The following XPR1 variants were observed in gnomAD, a reference collection of about 807,000 sequenced individuals.
XPR1 encodes xenotropic and polytropic retrovirus receptor 1.
XPR1 carries 28 observed loss-of-function variants against 87.5 expected under a neutral mutation model. That is an observed-to-expected ratio of 0.32 (90% CI 0.24 to 0.44). The LOEUF (loss-of-function observed/expected upper bound fraction) is 0.44. XPR1 is among the 20% of genes least tolerant of loss of function. The pLI is 1.00. For missense variants in XPR1, 559 were observed against 862.3 expected, an observed-to-expected ratio of 0.65 and a Z score of 4.41; for synonymous variants, 300 against 306.1, an observed-to-expected ratio of 0.98 and a Z score of 0.21.
intron 2 of XPR1, among the ~76,000 whole-genome samples, chr1:180,722,678 G>A (rs1658214710): frequency 6.6e-6 from 1 of 152,128 alleles, no homozygotes; most frequent in Admixed American, 6.5e-5. Context: ...AAAACTAAAT[G>A]ATCATCAAAA....
intron 2 of XPR1, among the ~76,000 whole-genome samples, chr1:180,769,342 A>G (rs1403442748): frequency 6.6e-6 from 1 of 151,722 alleles, no homozygotes; most frequent in African/African-American, 2.4e-5. Flanking sequence ...ATCAAATAGT[A>G]GGTCTTATTC....
chr1:180,825,998 C>T (rs897716263), intron 9 of XPR1, among the ~76,000 whole-genome samples: 3 of 151,942 alleles, frequency 2.0e-5, no homozygotes, highest in African/African-American at 4.8e-5. Context: ...TGCAGTGAGC[C>T]GCGATTGTGC....
At chr1:180,715,922 C>T (rs569400597) in intron 2 of XPR1, among the ~76,000 whole-genome samples, 1 of 152,304 alleles carries the variant, frequency 6.6e-6, no homozygotes, top group East Asian at 1.9e-4. Flanking sequence ...ATCAGCCCAC[C>T]TCAGCCTCCC....
intron 2 of XPR1, among the ~76,000 whole-genome samples, chr1:180,745,595 G>C (rs532296588): frequency 5.9e-5 from 9 of 152,160 alleles, no homozygotes; most frequent in African/African-American, 7.2e-5. Context: ...AGAAGAAAAG[G>C]GGGGGATGTT....
intron 7 of XPR1, among the ~76,000 whole-genome samples, chr1:180,819,695 C>T (rs963225916): frequency 2.6e-5 from 4 of 152,182 alleles, no homozygotes; most frequent in African/African-American, 9.7e-5. Context: ...TAGAGCAAAT[C>T]TATCACCACC....
intron 2 of XPR1, among the ~76,000 whole-genome samples, chr1:180,688,721 T>C (rs1656873077): frequency 1.3e-5 from 2 of 152,198 alleles, no homozygotes; most frequent in Admixed American, 1.3e-4. Context: ...TGTGTCAAGT[T>C]TTCAGTGATA....
At chr1:180,699,067 G>C (rs1188410173) in intron 2 of XPR1, among the ~76,000 whole-genome samples, 4 of 152,092 alleles carry the variant, frequency 2.6e-5, no homozygotes, top group Middle Eastern at 3.2e-3. Context: ...AAGTCTTGGA[G>C]AGTTTTCAGT....
chr1:180,708,113 C>CGT (rs1657620684), intron 2 of XPR1, among the ~76,000 whole-genome samples: 1 of 152,110 alleles, frequency 6.6e-6, no homozygotes, highest in African/African-American at 2.4e-5. Context: ...TAATTAGCTG[C>CGT]GTGATACTGT....
intron 2 of XPR1, among the ~76,000 whole-genome samples, chr1:180,690,655 T>C (rs1656946524): frequency 6.6e-6 from 1 of 151,986 alleles, no homozygotes; most frequent in Non-Finnish European, 1.5e-5. Context: ...CTGTAGTTTA[T>C]TTCTTTGCAT....
chr1:180,727,410 G>A (rs1215772324), intron 2 of XPR1, among the ~76,000 whole-genome samples: 5 of 152,098 alleles, frequency 3.3e-5, no homozygotes, highest in Non-Finnish European at 7.4e-5. Context: ...TTGGGAGGCC[G>A]AGGCGGGCAG....
chr1:180,884,192 T>G lies in XPR1; in HGVS notation c.*126T>G. On this transcript the variant is annotated 3_prime_UTR_variant, in exon 15 of 15. Transcript: ENST00000367590. ...AACACATAACACATTTTCCGAGCTC[T>G]TCCGGATCGGATCCTATGGACTCCA... is the stretch of plus-strand genomic sequence containing the variant. 6.7e-5 allele frequency: 44 copies of G among 654,798 alleles called. No homozygotes were observed. The highest frequency in any genetic ancestry group is 1.2e-4 in the East Asian group (4 of 32,002). 40.6% of individuals were successfully genotyped at this position (654,798 alleles called of 1,614,324 possible).
chr1:180,670,781 C>G (rs1656142323), intron 1 of XPR1, among the ~76,000 whole-genome samples: 1 of 152,104 alleles, frequency 6.6e-6, no homozygotes, highest in Non-Finnish European at 1.5e-5. Flanking sequence ...ATATTTCTTA[C>G]AGGGGCAAAC....
chr1:180,820,961 A>G (rs1434036563), intron 7 of XPR1, among the ~76,000 whole-genome samples: 1 of 151,006 alleles, frequency 6.6e-6, no homozygotes, highest in Non-Finnish European at 1.5e-5. Flanking sequence ...TGTGTTCTAG[A>G]TACTAGACCC....
chr1:180,850,458 A>T (rs1032005415), intron 11 of XPR1, among the ~76,000 whole-genome samples: 7 of 152,122 alleles, frequency 4.6e-5, no homozygotes, highest in Non-Finnish European at 8.8e-5. Context: ...TGTGATCTGC[A>T]TTTATTTTAT....
chr1:180,745,686 G>C (rs1428149286), intron 2 of XPR1, among the ~76,000 whole-genome samples: 1 of 152,168 alleles, frequency 6.6e-6, no homozygotes, highest in Non-Finnish European at 1.5e-5. Context: ...CTGCACTGAT[G>C]CCTATATCTT....
At chr1:180,825,536 A>C (rs1650799486) in intron 9 of XPR1, among the ~76,000 whole-genome samples, 192 bp downstream of exon 9, 1 of 152,190 alleles carries the variant, frequency 6.6e-6, no homozygotes, top group Non-Finnish European at 1.5e-5. Flanking sequence ...AGGTGGCCAA[A>C]TATTGAGATG....
intron 1 of XPR1, among the ~76,000 whole-genome samples, chr1:180,658,493 A>G (rs767084439): frequency 6.6e-6 from 1 of 151,738 alleles, no homozygotes; most frequent in Non-Finnish European, 1.5e-5. Context: ...GGTTTTTATT[A>G]TGAGAGGATG....
intron 7 of XPR1, among the ~76,000 whole-genome samples, chr1:180,812,863 T>G (rs1429807499): frequency 1.3e-5 from 2 of 152,082 alleles, no homozygotes; most frequent in Non-Finnish European, 2.9e-5. Flanking sequence ...TTGGCCAGAC[T>G]GGTCTTGAAC....
chr1:180,649,614 C>G (rs1018970604), intron 1 of XPR1, among the ~76,000 whole-genome samples: 1 of 152,146 alleles, frequency 6.6e-6, no homozygotes, highest in African/African-American at 2.4e-5. Context: ...AGTTTTCCTG[C>G]AGTTAGACTC....
Sources: gnomAD v4.1 joint callset for allele counts (sites outside exome capture counted in the v4.1 genomes callset) on GRCh38, gnomAD v4.1.1 for gene constraint, MANE v1.5 for transcripts, NCBI Gene and HGNC (gene_info 2026-07-23, HGNC 2026-07-21) for gene names.